The following SALL3 variants were observed in gnomAD, a reference collection of about 807,000 sequenced individuals.
SALL3 encodes sal-like protein 3.
Under a neutral mutation model 66.2 loss-of-function variants are expected in SALL3, and 25 were observed. The observed-to-expected ratio is 0.38, with a 90% CI of 0.28 to 0.53. SALL3 has a LOEUF of 0.53. Ranked by LOEUF, SALL3 falls within the 20% of genes least tolerant of loss-of-function variation. The pLI is 0.85. For missense variants in SALL3, 2,194 were observed against 1,916.5 expected, an observed-to-expected ratio of 1.14 and a Z score of -2.70; for synonymous variants, 1,152 against 899.1, an observed-to-expected ratio of 1.28 and a Z score of -5.03.
chr18:78,993,146 C>A lies in SALL3; in HGVS notation c.1155C>A (p.Asn385Lys). 6.2e-7 allele frequency: 1 copy of A among 1,606,008 alleles called. No individual in the cohort carries two copies. Among genetic ancestry groups the A allele is most frequent in the South Asian group, 1.1e-5 (1 of 89,944 alleles). Reference sequence around the variant, plus strand: ...TGGTCAGCATCGCGGCCACGGCCAACGCTCTGGACCCGCTGTCCGCGCTCA... The same window carrying A: ...TGGTCAGCATCGCGGCCACGGCCAAAGCTCTGGACCCGCTGTCCGCGCTCA... ...NPLVSIAATA[N>K]ALDPLSALMK... The change falls in exon 2 of 3, where the codon AAC (asparagine) becomes AAA (lysine). Residue 385 changes from asparagine to lysine, a missense_variant. Transcript: ENST00000537592.
chr18:78,991,727 G>A (rs71364766), intron 1 of SALL3: 9,006 of 278,870 alleles, frequency 0.032, 206 homozygotes, highest in Middle Eastern at 0.07. Flanking sequence ...CTGGAAATGA[G>A]GAAGCCGGAT....
At position 78,992,434 on chromosome 18, in the gene SALL3, C is replaced by G; in HGVS notation, c.443C>G (p.Pro148Arg). 7.4e-7 allele frequency: 1 copy of G among 1,359,392 alleles called. No homozygotes were observed. Among genetic ancestry groups the G allele is most frequent in the Non-Finnish European group, 9.4e-7 (1 of 1,065,104 alleles). 84.2% of individuals were successfully genotyped at this position (1,359,392 alleles called of 1,614,324 possible). ...GGGGACACGCGCGCGCCCCGGCCCC[C>G]GCCTGCGGCCCCTGCACCCCCAACG... is the stretch of plus-strand genomic sequence containing the variant. ...PAGDTRAPRP[P>R]PAAPAPPTPA... Residue 148 changes from proline to arginine, a missense_variant, in exon 2 of 3, where the codon CCG (proline) becomes CGG (arginine). Transcript: ENST00000537592.
At position 78,994,114 on chromosome 18, in the gene SALL3, A is replaced by G; in HGVS notation, c.2123A>G (p.Lys708Arg). 6.2e-7 allele frequency: 1 copy of G among 1,613,012 alleles called. No homozygotes were observed. Among genetic ancestry groups the G allele is most frequent in the African/African-American group, 1.3e-5 (1 of 75,064 alleles). Reference protein sequence around the residue: ...YRTHTGERPFKCKICGRAFTT... With the variant: ...YRTHTGERPFRCKICGRAFTT... The stretch of plus-strand genomic sequence containing the variant: ...ACGCACACGGGGGAGCGGCCGTTCA[A>G]GTGCAAGATCTGCGGCCGCGCCTTC... The change falls in exon 2 of 3, where the codon AAG (lysine) becomes AGG (arginine). Residue 708 changes from lysine (K) to arginine (R), a missense_variant. By Grantham distance (26) the Lys-to-Arg change is conservative. Transcript: ENST00000537592.
At chr18:78,987,190 A>C (rs1412258875) in intron 1 of SALL3, among the ~76,000 whole-genome samples, 1 of 152,156 alleles carries the variant, frequency 6.6e-6, no homozygotes, top group Non-Finnish European at 1.5e-5. Flanking sequence ...TTGTGGCTTT[A>C]AAAAGATCAT....
chr18:78,993,894 G>T lies in SALL3; in HGVS notation c.1903G>T (p.Gly635Trp). The change falls in exon 2 of 3, where the codon GGG (glycine) becomes TGG (tryptophan). Residue 635 changes from glycine to tryptophan, a missense_variant. Gly to Trp is a radical substitution (Grantham distance 184). Coordinates refer to ENST00000537592, the MANE Select transcript of SALL3 (RefSeq NM_171999.4). ...DGAPTSLGSPGLPAVSEQFKA... is the reference protein window; with the variant it reads ...DGAPTSLGSPWLPAVSEQFKA... ...CGCACCCACGAGCCTCGGCAGCCCC[G>T]GGCTGCCCGCCGTCTCCGAGCAGTT... is the stretch of plus-strand genomic sequence containing the variant. The T allele has an allele frequency of 6.3e-7, 1 of 1,585,324 alleles. No individual in the cohort carries two copies. Among genetic ancestry groups the T allele is most frequent in the Non-Finnish European group, 8.6e-7 (1 of 1,166,908 alleles).
At position 78,980,031 on chromosome 18, in the gene SALL3, A is replaced by G. The variant is rs1360156433; in HGVS notation, c.-244A>G. 6.9e-6 allele frequency among the ~76,000 whole-genome samples: 1 copy of G among 145,338 alleles called. No homozygotes were observed. Among genetic ancestry groups the G allele is most frequent in the Non-Finnish European group, 1.5e-5 (1 of 65,472 alleles). On this transcript the variant is annotated 5_prime_UTR_variant, in exon 1 of 3. Transcript: ENST00000537592. Reference sequence around the variant, plus strand: ...CCCCTCCTCGTCGGCGCGGCCGCTAATTGCGAGCGCGGCCTCATTTGCATA... The same window carrying G: ...CCCCTCCTCGTCGGCGCGGCCGCTAGTTGCGAGCGCGGCCTCATTTGCATA...
intron 2 of SALL3, among the ~76,000 whole-genome samples, 193 bp downstream of exon 2, chr18:78,995,655 G>A (rs192720691): frequency 2.0e-5 from 3 of 152,104 alleles, no homozygotes; most frequent in East Asian, 2.0e-4. Context: ...TCGGGTGTGC[G>A]TGTGGGTGAG....
chr18:78,992,905 C>T lies in SALL3; in HGVS notation c.914C>T (p.Pro305Leu). Residue 305 changes from proline to leucine, a missense_variant, in exon 2 of 3, where the codon CCT becomes CTT. Physicochemically the swap from Pro to Leu is moderately conservative, Grantham distance 98. Coordinates refer to ENST00000537592, the MANE Select transcript of SALL3 (RefSeq NM_171999.4). The part of the protein sequence containing the change: ...PESGASTPGG[P>L]AEPSAPAAPS... ...TCTGGCGCCAGCACCCCCGGCGGCC[C>T]TGCGGAGCCCAGCGCGCCCGCCGCC... 1.0e-6 allele frequency: 1 copy of T among 986,126 alleles called. No individual in the cohort carries two copies. The highest frequency in any genetic ancestry group is 4.5e-5 in the South Asian group (1 of 22,164). 61.1% of individuals were successfully genotyped at this position (986,126 alleles called of 1,614,324 possible). A position where few individuals can be genotyped will look rare whatever the true frequency, so the allele number is the denominator to read the frequency against.
Position 78,993,059 on chromosome 18 carries a change from C to T in SALL3, c.1068C>T (p.Pro356=), listed in dbSNP as rs753458066. 67 of 1,589,358 alleles carry T rather than the reference C, an allele frequency of 4.2e-5. No individual in the cohort carries two copies. In the Admixed American group the frequency reaches 9.3e-4, roughly 22 times the overall value. ...LAPGSLLGAA[P]GLPSPLLPQT... Reference sequence around the variant, plus strand: ...CGGGGTCCCTGCTGGGTGCGGCGCCCGGCCTGCCAAGTCCGCTTCTACCTC... The same window carrying T: ...CGGGGTCCCTGCTGGGTGCGGCGCCTGGCCTGCCAAGTCCGCTTCTACCTC... Residue 356 remains proline (P), a synonymous_variant, in exon 2 of 3, where the codon CCC becomes CCT. Transcript: ENST00000537592.
rs1339820360 is a variant in SALL3 at position 78,997,471 on chromosome 18, T to C, written c.*149T>C. 2 of 701,086 alleles carry C rather than the reference T, an allele frequency of 2.9e-6. No homozygotes were observed. Among genetic ancestry groups the C allele is most frequent in the Non-Finnish European group, 4.7e-6 (2 of 422,016 alleles). The allele number at this position is 701,086 out of a possible 1,614,324, so 43.4% of individuals were successfully genotyped here. ...TGCCGAGAGGTGGTCTTGTAAGCGCTGCATGGCGCTCCCTTCAACAGCAAG... is the reference window on the plus strand; with the variant it reads ...TGCCGAGAGGTGGTCTTGTAAGCGCCGCATGGCGCTCCCTTCAACAGCAAG... On this transcript the variant is annotated 3_prime_UTR_variant, in exon 3 of 3. Coordinates refer to ENST00000537592, the MANE Select transcript of SALL3 (RefSeq NM_171999.4).
At chr18:78,986,351 C>G (rs1568290028) in intron 1 of SALL3, among the ~76,000 whole-genome samples, 1 of 152,158 alleles carries the variant, frequency 6.6e-6, no homozygotes, top group Admixed American at 6.5e-5. Context: ...TTGAGCATGG[C>G]AAGAGTGCCC....
At chr18:78,981,209 C>T (rs1262331303) in intron 1 of SALL3, among the ~76,000 whole-genome samples, 1 of 152,184 alleles carries the variant, frequency 6.6e-6, no homozygotes. Flanking sequence ...GCGCCTTAGC[C>T]CCGCAAAGTT....
Position 78,992,112 on chromosome 18 carries a change from C to T in SALL3, c.121C>T (p.Pro41Ser), listed in dbSNP as rs1205844927. The change falls in exon 2 of 3, where the codon CCC becomes TCC. Residue 41 changes from proline (P) to serine (S), a missense_variant. Coordinates refer to ENST00000537592, the MANE Select transcript of SALL3 (RefSeq NM_171999.4). ...AGGTGCGGAGGACGCAGACAGCGGG[C>T]CCGAGAGCCGCAGCGGGGGCGAGGA... is the stretch of plus-strand genomic sequence containing the variant. The part of the protein sequence containing the change: ...GEGAEDADSG[P>S]ESRSGGEETS... 2 of 1,588,716 alleles carry T rather than the reference C, an allele frequency of 1.3e-6. No homozygotes were observed. Among genetic ancestry groups the T allele is most frequent in the Non-Finnish European group, 1.7e-6 (2 of 1,168,512 alleles).
rs1339136751 is a variant in SALL3, at chr18:78,997,399, C to T, written c.*77C>T. 16 of 1,422,876 alleles carry T rather than the reference C, an allele frequency of 1.1e-5. No individual in the cohort carries two copies. The African/African-American group carries it at 1.1e-4, about 10-fold the overall frequency. The allele number at this position is 1,422,876 out of a possible 1,614,324, so 88.1% of individuals were successfully genotyped here. A position where few individuals can be genotyped will look rare whatever the true frequency, so the allele number is the denominator to read the frequency against. ...ATCAGGCCTCCGACCTTTCTTGCCT[C>T]GGTTCTCATTACACTTTCACCCATA... On this transcript the variant is annotated 3_prime_UTR_variant, in exon 3 of 3. Coordinates refer to ENST00000537592, the MANE Select transcript of SALL3 (RefSeq NM_171999.4).
intron 1 of SALL3, among the ~76,000 whole-genome samples, chr18:78,982,163 G>T (rs1174970912): frequency 6.6e-6 from 1 of 152,240 alleles, no homozygotes; most frequent in Non-Finnish European, 1.5e-5. Context: ...TGAGCATGCT[G>T]AACTTAATAG....
intron 1 of SALL3, 32 bp from the exon 2 acceptor site, chr18:78,992,042 G>C: frequency 7.2e-7 from 1 of 1,393,124 alleles, no homozygotes; most frequent in Non-Finnish European, 9.3e-7. Context: ...CGGGCGCCGA[G>C]CCCCGGCTGA....
Position 78,994,009 on chromosome 18 carries a change from A to G in SALL3, c.2018A>G (p.Lys673Arg). 6.2e-7 allele frequency: 1 copy of G among 1,612,576 alleles called. No homozygotes were observed. Among genetic ancestry groups the G allele is most frequent in the Non-Finnish European group, 8.5e-7 (1 of 1,179,800 alleles). Reference sequence around the variant, plus strand: ...CAGCAGCTGGTGGAGAACATCGACAAGAAGATGACGGACCCGAACCAGTGC... The same window carrying G: ...CAGCAGCTGGTGGAGAACATCGACAGGAAGATGACGGACCCGAACCAGTGC... ...KLQQLVENID[K>R]KMTDPNQCVI... Residue 673 changes from lysine to arginine, a missense_variant, in exon 2 of 3, where the codon AAG (lysine) becomes AGG (arginine). Coordinates refer to ENST00000537592, the MANE Select transcript of SALL3 (RefSeq NM_171999.4).
chr18:78,997,163 C>G lies in SALL3; in HGVS notation c.3744C>G (p.Ser1248Arg). ...AGCTCCCCGTGAGTCTTGGGGGCAG[C>G]GCCCTCCCCCCTCTGGGCAGCATGG... ...IPQLPVSLGG[S>R]ALPPLGSMAS... is the part of the protein sequence containing the mutation. Residue 1248 changes from serine (S) to arginine (R), a missense_variant, in exon 3 of 3, where the codon AGC becomes AGG. By Grantham distance (110) the Ser-to-Arg change is moderately radical. Transcript: ENST00000537592. 2 of 1,613,988 alleles carry G rather than the reference C, an allele frequency of 1.2e-6. No individual in the cohort carries two copies. The highest frequency in any genetic ancestry group is 1.7e-6 in the Non-Finnish European group (2 of 1,180,022).
intron 1 of SALL3, among the ~76,000 whole-genome samples, chr18:78,981,425 A>G (rs1914068333): frequency 6.6e-6 from 1 of 152,218 alleles, no homozygotes; most frequent in Non-Finnish European, 1.5e-5. Flanking sequence ...ACCTGTTATA[A>G]GTTGTTGGAG....
Sources: allele counts gnomAD v4.1 joint callset (sites outside exome capture counted in the v4.1 genomes callset), GRCh38; gene constraint gnomAD v4.1.1; transcripts MANE v1.5; gene names NCBI Gene and HGNC (gene_info 2026-07-23, HGNC 2026-07-21).